Variants in ANKRD44 observed in about 807,000 individuals in gnomAD.
ANKRD44 encodes ankyrin repeat domain 44.
Under a neutral mutation model 116.0 loss-of-function variants are expected in ANKRD44, and 35 were observed. The ratio of observed to expected loss-of-function variants is 0.30; its 90% CI spans 0.23 to 0.40. ANKRD44 has a LOEUF of 0.40. ANKRD44 is among the 10% of genes least tolerant of loss of function. The pLI, the probability that ANKRD44 is intolerant of heterozygous loss-of-function variation, is 1.00. For missense variants in ANKRD44, 1,014 were observed against 1,242.6 expected (o/e 0.82, Z 2.77); for synonymous variants, 435 against 461.8 (o/e 0.94, Z 0.74).
Position 197,078,113 on chromosome 2 carries a change from C to T in ANKRD44, c.1650+590G>A, listed in dbSNP as rs551861412. ...CTCACAAAAGTACTATAGAACAGCA[C>T]ACATTATTAAGACTATAATAACAAA... On this transcript the variant is annotated intron_variant, in intron 16 of 27. Transcript: ENST00000282272. 30 of 154,102 alleles carry T rather than the reference C, an allele frequency of 1.9e-4. No individual in the cohort carries two copies. The South Asian group carries it at 5.9e-3, about 30-fold the overall frequency. The allele number at this position is 154,102 out of a possible 1,614,324, so 9.5% of individuals were successfully genotyped here.
In ANKRD44 at chr2:197,306,753, T is replaced by TGCCACTGCCACCGCTGCCA. The variant is rs2084085389; in HGVS notation, c.27+3806_27+3824dup. On this transcript the variant is annotated intron_variant, in intron 1 of 27. Coordinates refer to ENST00000282272, the MANE Select transcript of ANKRD44 (RefSeq NM_001195144.2). The stretch of plus-strand genomic sequence containing the variant: ...AAGTTACACAGGATTTCTAGTCTCT[T>TGCCACTGCCACCGCTGCCA]GCCACTGCCACCGCTGCCAGCCACT... Among the ~76,000 whole-genome samples the TGCCACTGCCACCGCTGCCA allele has an allele frequency of 2.0e-5, 3 of 152,304 alleles. No individual in the cohort carries two copies. In the South Asian group the frequency reaches 6.2e-4, roughly 32 times the overall value.
At chr2:197,118,833 A>G (rs575389745) in intron 8 of ANKRD44, among the ~76,000 whole-genome samples, 231 of 152,312 alleles carry the variant, frequency 1.5e-3, no homozygotes, top group African/African-American at 5.4e-3. Context: ...TTGCATTTCA[A>G]TGTTTTCATT....
In ANKRD44 at chr2:197,273,975, AAAAAAATATATATAT is replaced by A. The variant is rs2082980943; in HGVS notation, c.27+36588_27+36602del. Among the ~76,000 whole-genome samples, 2 of 54,460 alleles carry A rather than the reference AAAAAAATATATATAT, an allele frequency of 3.7e-5. 1 individual carries two copies. The highest frequency in any genetic ancestry group is 7.1e-5 in the Non-Finnish European group (2 of 28,366). The allele number at this position is 54,460 out of a possible 152,430, so 35.7% of individuals were successfully genotyped here. ...CAACCAACCACAAAAAAAAAAAAAA[AAAAAAATATATATAT>A]ATATATATATATATATATATATATA... On this transcript the variant is annotated intron_variant, in intron 1 of 27. Coordinates refer to ENST00000282272, the MANE Select transcript of ANKRD44 (RefSeq NM_001195144.2).
At chr2:197,251,570 C>A (rs2082318233) in intron 1 of ANKRD44, among the ~76,000 whole-genome samples, 1 of 152,184 alleles carries the variant, frequency 6.6e-6, no homozygotes. Context: ...TCATTATTTT[C>A]TTCCTTCCAT....
intron 1 of ANKRD44, among the ~76,000 whole-genome samples, chr2:197,285,031 C>T (rs1178011155): frequency 6.6e-6 from 1 of 151,644 alleles, no homozygotes; most frequent in African/African-American, 2.4e-5. Flanking sequence ...ACAGTCATAG[C>T]CCAATTTTGT....
chr2:197,179,714 C>T (rs2080457552), intron 2 of ANKRD44, among the ~76,000 whole-genome samples: 1 of 152,142 alleles, frequency 6.6e-6, no homozygotes, highest in Non-Finnish European at 1.5e-5. Flanking sequence ...GCCTCCATGT[C>T]CAGTGCTGGA....
chr2:197,145,402 C>T (rs2079474376), intron 3 of ANKRD44, among the ~76,000 whole-genome samples: 1 of 152,170 alleles, frequency 6.6e-6, no homozygotes, highest in African/African-American at 2.4e-5. Flanking sequence ...TATACCTCCA[C>T]TGATTCTGCC....
chr2:197,198,332 T>C (rs556955734), intron 1 of ANKRD44, among the ~76,000 whole-genome samples: 18 of 152,182 alleles, frequency 1.2e-4, no homozygotes, highest in Non-Finnish European at 2.2e-4. Context: ...ATTTGTGCTT[T>C]AGAACAATCA....
At chr2:197,247,938 A>C (rs553753237) in intron 1 of ANKRD44, among the ~76,000 whole-genome samples, 1 of 152,292 alleles carries the variant, frequency 6.6e-6, no homozygotes, top group East Asian at 1.9e-4. Context: ...GTTGGACTTA[A>C]AGACACTCAC....
At chr2:197,277,581 G>T (rs1242027433) in intron 1 of ANKRD44, among the ~76,000 whole-genome samples, 4 of 152,110 alleles carry the variant, frequency 2.6e-5, no homozygotes, top group African/African-American at 9.7e-5. Context: ...CAGTCTTTCA[G>T]AATAATGAGG....
chr2:197,226,601 T>G (rs964767640), intron 1 of ANKRD44, among the ~76,000 whole-genome samples: 1 of 151,932 alleles, frequency 6.6e-6, no homozygotes, highest in African/African-American at 2.4e-5. Context: ...GAGGCAGAGG[T>G]TGCAGTGAGC....
rs536245610 is a variant in ANKRD44 at position 197,006,987 on chromosome 2, C to T, written c.2130+819G>A. ...GGGCATGCTGGCATGCACCTGTGGT[C>T]CCAGTTACTGGGGGGAGTTGAGGTG... On this transcript the variant is annotated intron_variant, in intron 20 of 27. Coordinates refer to ENST00000282272, the MANE Select transcript of ANKRD44 (RefSeq NM_001195144.2). Among the ~76,000 whole-genome samples, 18 of 152,092 alleles carry T rather than the reference C, an allele frequency of 1.2e-4. 1 individual carries two copies. In the South Asian group the frequency reaches 3.7e-3, roughly 32 times the overall value.
chr2:197,000,540 C>T (rs1290019482), intron 22 of ANKRD44, 38 bp from the exon 23 acceptor site: 1 of 1,523,728 alleles, frequency 6.6e-7, no homozygotes, highest in African/African-American at 1.4e-5. Flanking sequence ...CAATCTCACT[C>T]TTTTAAATTA....
intron 7 of ANKRD44, among the ~76,000 whole-genome samples, chr2:197,121,833 G>T (rs2078861586): frequency 6.6e-6 from 1 of 152,166 alleles, no homozygotes; most frequent in African/African-American, 2.4e-5. Context: ...GGGCAAAGCT[G>T]CTTTCAAAAC....
chr2:197,274,077 G>A (rs2105794750), intron 1 of ANKRD44, among the ~76,000 whole-genome samples: 1 of 140,494 alleles, frequency 7.1e-6, no homozygotes, highest in East Asian at 2.2e-4. Context: ...GCAGCATGGA[G>A]TATGTCACTT....
chr2:197,115,824 G>A (rs144327139), intron 8 of ANKRD44, among the ~76,000 whole-genome samples: 10 of 152,260 alleles, frequency 6.6e-5, no homozygotes, highest in African/African-American at 1.9e-4. Context: ...TAGATGATCC[G>A]TGCATCCAGA....
chr2:197,166,718 A>C (rs1405054607), intron 2 of ANKRD44, among the ~76,000 whole-genome samples: 1 of 152,152 alleles, frequency 6.6e-6, no homozygotes, highest in African/African-American at 2.4e-5. Context: ...GGAGAGATTA[A>C]TTACCTAACC....
At chr2:197,056,897 C>G (rs2077213951) in intron 16 of ANKRD44, among the ~76,000 whole-genome samples, 1 of 152,152 alleles carries the variant, frequency 6.6e-6, no homozygotes, top group South Asian at 2.1e-4. Context: ...AACTTAATTA[C>G]ATCTGCAAAA....
rs559123357 is a variant in ANKRD44 at position 196,997,382 on chromosome 2, G to A, written c.2748+955C>T. On this transcript the variant is annotated intron_variant, in intron 25 of 27. Transcript: ENST00000282272. ...ATATTATACGATTCAGCAACATAACGAAGTTTTGTAAAATCATATATATGA... is the reference window on the plus strand; with the variant it reads ...ATATTATACGATTCAGCAACATAACAAAGTTTTGTAAAATCATATATATGA... Among the ~76,000 whole-genome samples the A allele has an allele frequency of 6.7e-5, 10 of 149,774 alleles. No individual in the cohort carries two copies. The South Asian group carries it at 2.1e-3, about 31-fold the overall frequency.
Sources: gnomAD v4.1 joint callset for allele counts (sites outside exome capture counted in the v4.1 genomes callset) on GRCh38, gnomAD v4.1.1 for gene constraint, MANE v1.5 for transcripts, NCBI Gene and HGNC (gene_info 2026-07-23, HGNC 2026-07-21) for gene names.